Variants in LARP1 observed in about 807,000 individuals in gnomAD.
LARP1 encodes the protein La ribonucleoprotein 1, translational regulator, also known as la-related protein 1.
In LARP1, 36 loss-of-function variants were observed where a neutral mutation model predicts 122.7. That is an observed-to-expected ratio of 0.29 (90% CI 0.22 to 0.39). The LOEUF (loss-of-function observed/expected upper bound fraction) is 0.39, where lower values mean the gene tolerates loss of function less well. Ranked by LOEUF, LARP1 falls within the 10% of genes least tolerant of loss-of-function variation. LARP1 has a pLI of 1.00. For synonymous variants in LARP1, 539 were observed against 528.7 expected, an observed-to-expected ratio of 1.02 and a Z score of -0.27; for missense variants, 1,040 against 1,403.6, an observed-to-expected ratio of 0.74 and a Z score of 4.14.
chr5:154,741,575 T>A (rs1256450403), intron 1 of LARP1, among the ~76,000 whole-genome samples: 1 of 151,766 alleles, frequency 6.6e-6, no homozygotes, highest in Non-Finnish European at 1.5e-5. Flanking sequence ...TATCGGGTGT[T>A]TGTGTGTGGG....
chr5:154,697,911 G>C (rs559032127), intron 1 of LARP1, among the ~76,000 whole-genome samples: 1 of 152,076 alleles, frequency 6.6e-6, no homozygotes. Flanking sequence ...CTGCAGCCTC[G>C]GACTCCTGGG....
chr5:154,775,493 C>CAAA (rs138027824), intron 1 of LARP1, among the ~76,000 whole-genome samples: 59 of 100,184 alleles, frequency 5.9e-4, no homozygotes, highest in African/African-American at 1.8e-3. Context: ...GACCCTCCCT[C>CAAA]AAAAAAAAAA....
At chr5:154,745,952 C>T (rs1217147610) in intron 1 of LARP1, among the ~76,000 whole-genome samples, 2 of 152,070 alleles carry the variant, frequency 1.3e-5, no homozygotes, top group Non-Finnish European at 1.5e-5. Flanking sequence ...CGCGCCACCA[C>T]GCCCAGTTAA....
intron 1 of LARP1, among the ~76,000 whole-genome samples, chr5:154,702,141 A>G (rs549617411): frequency 1.3e-5 from 2 of 152,274 alleles, no homozygotes; most frequent in African/African-American, 4.8e-5. Flanking sequence ...TCTTGCCTAA[A>G]TGGTTTGAGT....
At chr5:154,799,834 G>A in intron 9 of LARP1, 39 bp from the exon 10 acceptor site, 1 of 1,611,680 alleles carries the variant, frequency 6.2e-7, no homozygotes, top group Non-Finnish European at 8.5e-7. Flanking sequence ...ATCAGGAGGA[G>A]GACTGGAGGG....
At position 154,802,789 on chromosome 5, in the gene LARP1, A is replaced by T. The variant is rs1489828371; in HGVS notation, c.2109+390A>T. Among the ~76,000 whole-genome samples the T allele has an allele frequency of 2.6e-5, 4 of 152,234 alleles. No homozygotes were observed. Among genetic ancestry groups the T allele is most frequent in the African/African-American group, 9.7e-5 (4 of 41,450 alleles). ...GTTGAGTATGGAAAATGGAGAAAAG[A>T]TAAGTCTTTTGAAAAATTGCTGCTG... On this transcript the variant is annotated intron_variant, in intron 11 of 18. Coordinates refer to ENST00000518297, the MANE Select transcript of LARP1 (RefSeq NM_033551.3). The surrounding 1 kb of genome is among the most constrained non-coding windows in gnomAD (Gnocchi z 5.1).
At chr5:154,711,902 A>G (rs1182078661), upstream of LARP1, among the ~76,000 whole-genome samples, 1 of 152,110 alleles carries the variant, frequency 6.6e-6, no homozygotes, top group African/African-American at 2.4e-5. Flanking sequence ...TCTCAGCTTT[A>G]ATATCACCTC....
rs890786596 is a variant in LARP1 at position 154,748,695 on chromosome 5, A to C, written c.205+35565A>C. Among the ~76,000 whole-genome samples, 9 of 152,362 alleles carry C rather than the reference A, an allele frequency of 5.9e-5. No homozygotes were observed. In the South Asian group the frequency reaches 1.0e-3, roughly 18 times the overall value. On this transcript the variant is annotated intron_variant, in intron 1 of 18. Coordinates refer to the LARP1 transcript ENST00000336314. ...TATACATGTCATTGTGCTATTATATACATCTCACTTAAGGCTCACTGAAGC... is the reference window on the plus strand; with the variant it reads ...TATACATGTCATTGTGCTATTATATCCATCTCACTTAAGGCTCACTGAAGC...
chr5:154,745,087 C>G (rs1465927602), intron 1 of LARP1, among the ~76,000 whole-genome samples: 1 of 151,628 alleles, frequency 6.6e-6, no homozygotes, highest in African/African-American at 2.4e-5. Flanking sequence ...GCCACCACAC[C>G]CAGCTAATTT....
rs145300453 is a variant in LARP1, at chr5:154,738,389, C to T, written c.205+25259C>T. ...GGTGGATCGCCTGAGGTCAGGAGTT[C>T]GAGACCAGCCTGGCCAACATGGCGA... is the stretch of plus-strand genomic sequence containing the variant. On this transcript the variant is annotated intron_variant, in intron 1 of 18. Coordinates refer to the LARP1 transcript ENST00000336314. 2.3e-3 allele frequency among the ~76,000 whole-genome samples: 346 copies of T among 152,188 alleles called. 2 individuals carry two copies. The highest frequency in any genetic ancestry group is 7.7e-3 in the African/African-American group (318 of 41,538).
chr5:154,770,878 C>T lies in LARP1; in HGVS notation c.436+14685C>T, dbSNP rs111590580. 7.0e-3 allele frequency among the ~76,000 whole-genome samples: 1,067 copies of T among 151,992 alleles called. 2 individuals are homozygous for T. Among genetic ancestry groups the T allele is most frequent in the Non-Finnish European group, 0.011 (718 of 67,940 alleles). On this transcript the variant is annotated intron_variant, in intron 1 of 18. Coordinates refer to ENST00000518297, the MANE Select transcript of LARP1 (RefSeq NM_033551.3). ...CTGTAATCCCAGCGCTTTGGGAGGC[C>T]GAGGCAGGTGGATCACCTGAGGTGA...
intron 1 of LARP1, among the ~76,000 whole-genome samples, chr5:154,701,428 A>G (rs914070772): frequency 4.6e-5 from 7 of 152,040 alleles, no homozygotes; most frequent in African/African-American, 1.7e-4. Context: ...CAGCAACCAT[A>G]TGTTGCTTGG....
At position 154,803,175 on chromosome 5, in the gene LARP1, C is replaced by T. The variant is rs1758479433; in HGVS notation, c.2110-115C>T. The T allele has an allele frequency of 5.9e-6, 8 of 1,365,518 alleles. No individual in the cohort carries two copies. The highest frequency in any genetic ancestry group is 1.8e-5 in the Admixed American group (1 of 55,652). The allele number at this position is 1,365,518 out of a possible 1,614,324, so 84.6% of individuals were successfully genotyped here. ...TGAGAGCCTGGGGACCAGAATTCCACGTATGTCGACGTGGGAGCTGCCCTC... is the reference window on the plus strand; with the variant it reads ...TGAGAGCCTGGGGACCAGAATTCCATGTATGTCGACGTGGGAGCTGCCCTC... On this transcript the variant is annotated intron_variant, in intron 11 of 18. Coordinates refer to ENST00000518297, the MANE Select transcript of LARP1 (RefSeq NM_033551.3). The surrounding 1 kb of genome is among the most constrained non-coding windows in gnomAD (Gnocchi z 4.4).
At chr5:154,808,433 G>A in intron 15 of LARP1, 26 bp from the exon 16 acceptor site, 1 of 1,607,226 alleles carries the variant, frequency 6.2e-7, no homozygotes, top group Non-Finnish European at 8.5e-7. Context: ...CCTGAGACAT[G>A]CCTTTCCTCC....
chr5:154,759,775 C>G (rs1026566884), intron 1 of LARP1, among the ~76,000 whole-genome samples: 9 of 151,706 alleles, frequency 5.9e-5, no homozygotes, highest in African/African-American at 1.7e-4. Context: ...ACCCATACAA[C>G]CATGGTTTTT....
At chr5:154,746,466 C>T (rs1386307305) in intron 1 of LARP1, among the ~76,000 whole-genome samples, 1 of 152,182 alleles carries the variant, frequency 6.6e-6, no homozygotes, top group Non-Finnish European at 1.5e-5. Flanking sequence ...CTGAGTTTGT[C>T]CAACTGTGTG....
At chr5:154,751,679 A>G (rs1304110272), upstream of LARP1, among the ~76,000 whole-genome samples, 1 of 152,196 alleles carries the variant, frequency 6.6e-6, no homozygotes, top group Non-Finnish European at 1.5e-5. Context: ...AGATGTTTTG[A>G]GAGAGAAAGA....
chr5:154,761,896 G>A (rs1173880048), intron 1 of LARP1, among the ~76,000 whole-genome samples: 2 of 152,134 alleles, frequency 1.3e-5, no homozygotes, highest in African/African-American at 2.4e-5. Flanking sequence ...CGGTGCTGAG[G>A]TTGTTTAGAG....
rs111595871 is a variant in LARP1 at position 154,803,388 on chromosome 5, T to C, written c.2208T>C (p.Pro736=). 46 of 1,614,096 alleles carry C rather than the reference T, an allele frequency of 2.8e-5. No individual in the cohort carries two copies. The African/African-American group carries it at 3.7e-4, about 13-fold the overall frequency. The part of the protein sequence containing the change: ...EPPVDPNQEV[P]PGPPRFQQVP... ...CTGTGGATCCCAACCAGGAAGTTCC[T>C]CCTGGGCCACCTCGGTTCCAGCAAG... is the stretch of plus-strand genomic sequence containing the variant. Residue 736 remains proline, a synonymous_variant, in exon 12 of 19, where the codon CCT becomes CCC. Coordinates refer to ENST00000518297, the MANE Select transcript of LARP1 (RefSeq NM_033551.3). This position sits in a 1 kb window ranked among gnomAD's most constrained non-coding sequence, Gnocchi z 4.4.
Sources: allele counts gnomAD v4.1 joint callset (sites outside exome capture counted in the v4.1 genomes callset), GRCh38; gene constraint gnomAD v4.1.1; non-coding constraint Gnocchi (gnomAD v3.1); transcripts MANE v1.5; gene names NCBI Gene and HGNC (gene_info 2026-07-23, HGNC 2026-07-21).